The following APLNR variants were observed in gnomAD, a reference collection of about 807,000 sequenced individuals.
APLNR encodes APJ (apelin) receptor.
A neutral mutation model predicts 23.4 loss-of-function variants in APLNR; 13 were observed. The observed-to-expected ratio is 0.56, with a 90% CI of 0.36 to 0.88. APLNR has a LOEUF of 0.88. APLNR is among the 40% of genes least tolerant of loss of function. The pLI, the probability that APLNR is intolerant of heterozygous loss-of-function variation, is 0.01. For missense variants in APLNR, 480 were observed against 517.1 expected, an observed-to-expected ratio of 0.93 and a Z score of 0.70; for synonymous variants, 234 against 211.9, an observed-to-expected ratio of 1.10 and a Z score of -0.91.
At position 57,236,215 on chromosome 11, in the gene APLNR, A is replaced by G. The variant is rs772839486; in HGVS notation, c.790T>C (p.Tyr264His). 32 of 1,613,952 alleles carry G rather than the reference A, an allele frequency of 2.0e-5. No homozygotes were observed. The highest frequency in any genetic ancestry group is 2.5e-5 in the Non-Finnish European group (30 of 1,179,968). Residue 264 changes from tyrosine (Y) to histidine (H), a missense_variant, in exon 1 of 1, where the codon TAC becomes CAC. Physicochemically the swap from Tyr to His is moderately conservative, Grantham distance 83. Coordinates refer to ENST00000606794, the MANE Select transcript of APLNR (RefSeq NM_005161.6). ...VVTFALCWMPYHLVKTLYMLG... is the reference protein window; with the variant it reads ...VVTFALCWMPHHLVKTLYMLG... ...ATGTACAGCGTCTTCACCAGGTGGT[A>G]GGGCATCCAGCACAGGGCAAAGGTC...
rs771369044 is a variant in APLNR, at chr11:57,236,518, G to T, written c.487C>A (p.Pro163Thr). The T allele has an allele frequency of 6.2e-7, 1 of 1,614,042 alleles. No homozygotes were observed. Among genetic ancestry groups the T allele is most frequent in the Admixed American group, 1.7e-5 (1 of 60,008 alleles). ...LWVLAALLAM[P>T]VMVLRTTGDL... ...CCGGTGGTGCGTAACACCATGACAG[G>T]CATGGCCAGGAGGGCGGCCAGCACC... The change falls in exon 1 of 1, where the codon CCT becomes ACT. Residue 163 changes from proline (P) to threonine (T), a missense_variant. Pro to Thr is a conservative substitution (Grantham distance 38). Transcript: ENST00000606794.
Position 57,236,749 on chromosome 11 carries a change from C to A in APLNR, c.256G>T (p.Ala86Ser). 6.2e-7 allele frequency: 1 copy of A among 1,614,064 alleles called. No homozygotes were observed. The highest frequency in any genetic ancestry group is 1.1e-5 in the South Asian group (1 of 91,086). ...TCATAGTCCCGGTACGTGTAGGTAG[C>A]CCACAGGGGCAGCGTCACCACGAAG... ...LTFVVTLPLW[A>S]TYTYRDYDWP... Residue 86 changes from alanine (A) to serine (S), a missense_variant, in exon 1 of 1, where the codon GCT becomes TCT. Ala to Ser is a moderately conservative substitution (Grantham distance 99). Coordinates refer to ENST00000606794, the MANE Select transcript of APLNR (RefSeq NM_005161.6).
rs764453655 is a variant in APLNR at position 57,236,884 on chromosome 11, G to A, written c.121C>T (p.Leu41=). ...ACCAGACCGTTGCCCGTGGTGCCCA[G>A]GAGGAAGACCAACATGTAGATGGCA... The part of the protein sequence containing the change: ...IPAIYMLVFL[L]GTTGNGLVLW... Residue 41 remains leucine, a synonymous_variant, in exon 1 of 1, where the codon CTG becomes TTG. Transcript: ENST00000606794. 9.3e-6 allele frequency: 15 copies of A among 1,614,110 alleles called. No individual in the cohort carries two copies. The East Asian group carries it at 3.1e-4, about 34-fold the overall frequency.
In APLNR at chr11:57,236,021, C is replaced by T; in HGVS notation, c.984G>A (p.Gln328=). The change falls in exon 1 of 1, where the codon CAG becomes CAA. Residue 328 remains glutamine, a synonymous_variant. Coordinates refer to ENST00000606794, the MANE Select transcript of APLNR (RefSeq NM_005161.6). ...TGTGGGAGGTGCCTGCGCACCTGCT[C>T]TGGCCACAGCAGAGCATGGAGGTGC... ...QACTSMLCCG[Q]SRCAGTSHSS... is the part of the protein sequence containing the mutation. 1.2e-6 allele frequency: 2 copies of T among 1,614,274 alleles called. No individual in the cohort carries two copies. The highest frequency in any genetic ancestry group is 1.7e-6 in the Non-Finnish European group (2 of 1,180,056).
rs191489134 is a variant in APLNR, at chr11:57,235,413, G to A, written c.*449C>T. The A allele has an allele frequency of 1.3e-3, 206 of 159,358 alleles. No homozygotes were observed. The highest frequency in any genetic ancestry group is 2.3e-3 in the Non-Finnish European group (171 of 73,040). 9.9% of individuals were successfully genotyped at this position (159,358 alleles called of 1,614,324 possible). On this transcript the variant is annotated 3_prime_UTR_variant, in exon 1 of 1. Transcript: ENST00000606794. ...ATGGATGGAGGGAGGGGGACGAGCT[G>A]TAGGAGGGGATTGGTGCCAGAAGGC...
rs1854999310 is a variant in APLNR, at chr11:57,235,762, T to C, written c.*100A>G. On this transcript the variant is annotated 3_prime_UTR_variant, in exon 1 of 1. Coordinates refer to ENST00000606794, the MANE Select transcript of APLNR (RefSeq NM_005161.6). ...GCAGAATCAGGGGACAGTTAAAGGATGTGCATAGGACAAGGAGTAGCCACA... is the reference window on the plus strand; with the variant it reads ...GCAGAATCAGGGGACAGTTAAAGGACGTGCATAGGACAAGGAGTAGCCACA... 9.1e-6 allele frequency: 12 copies of C among 1,324,658 alleles called. No individual in the cohort carries two copies. The highest frequency in any genetic ancestry group is 2.3e-5 in the East Asian group (1 of 43,158). 82.1% of individuals were successfully genotyped at this position (1,324,658 alleles called of 1,614,324 possible). A position where few individuals can be genotyped will look rare whatever the true frequency, so the allele number is the denominator to read the frequency against.
chr11:57,234,707 T>C lies in APLNR; in HGVS notation c.*1155A>G, dbSNP rs974589328. On this transcript the variant is annotated 3_prime_UTR_variant, in exon 1 of 1. Coordinates refer to ENST00000606794, the MANE Select transcript of APLNR (RefSeq NM_005161.6). ...TCCAAATGACCCAGGCACACTGCTG[T>C]TCATGCCAGGCTCATCCATATAGAC... 2.0e-5 allele frequency: 3 copies of C among 152,006 alleles called. No individual in the cohort carries two copies. Among genetic ancestry groups the C allele is most frequent in the African/African-American group, 7.2e-5 (3 of 41,396 alleles). 9.4% of individuals were successfully genotyped at this position (152,006 alleles called of 1,614,324 possible).
In APLNR at chr11:57,237,072, T is replaced by C; in HGVS notation, c.-68A>G. 1.4e-6 allele frequency: 2 copies of C among 1,476,544 alleles called. No homozygotes were observed. The highest frequency in any genetic ancestry group is 1.8e-6 in the Non-Finnish European group (2 of 1,099,994). The allele number at this position is 1,476,544 out of a possible 1,614,324, so 91.5% of individuals were successfully genotyped here. On this transcript the variant is annotated 5_prime_UTR_variant, in exon 1 of 1. Transcript: ENST00000606794. ...CCAGCTCCGTGGCTCTGTCACCCACTCTGCAAGCAGCCTGAATTTCTGGCT... is the reference window on the plus strand; with the variant it reads ...CCAGCTCCGTGGCTCTGTCACCCACCCTGCAAGCAGCCTGAATTTCTGGCT...
Position 57,237,234 on chromosome 11 carries a change from C to G in APLNR, c.-230G>C. On this transcript the variant is annotated 5_prime_UTR_variant, in exon 1 of 1. Coordinates refer to ENST00000606794, the MANE Select transcript of APLNR (RefSeq NM_005161.6). The stretch of plus-strand genomic sequence containing the variant: ...TTCCTCCACCCTCTCTTGCCTTACC[C>G]CCGTCTCAGTTAAGACACTTCCTTG... 1 of 536,252 alleles carries G rather than the reference C, an allele frequency of 1.9e-6. No individual in the cohort carries two copies. Among genetic ancestry groups the G allele is most frequent in the South Asian group, 3.2e-5 (1 of 31,434 alleles). 33.2% of individuals were successfully genotyped at this position (536,252 alleles called of 1,614,324 possible). A position where few individuals can be genotyped will look rare whatever the true frequency, so the allele number is the denominator to read the frequency against.
Sources: gnomAD v4.1 joint callset for allele counts on GRCh38, gnomAD v4.1.1 for gene constraint, MANE v1.5 for transcripts, NCBI Gene and HGNC (gene_info 2026-07-23, HGNC 2026-07-21) for gene names.